GPLD1: variants seen among roughly 807,000 people sequenced by gnomAD.
GPLD1 encodes the protein glycosylphosphatidylinositol specific phospholipase D1, also known as phosphatidylinositol-glycan-specific phospholipase D.
A neutral mutation model predicts 112.6 loss-of-function variants in GPLD1; 84 were observed. That is an observed-to-expected ratio of 0.75 (90% CI 0.63 to 0.89). The LOEUF (loss-of-function observed/expected upper bound fraction) is 0.89, where lower values mean the gene tolerates loss of function less well. Ranked by LOEUF, GPLD1 falls within the 40% of genes least tolerant of loss-of-function variation. The pLI is 0.00. For synonymous variants in GPLD1, 386 were observed against 403.8 expected, an observed-to-expected ratio of 0.96 and a Z score of 0.53; for missense variants, 1,044 against 1,051.5, an observed-to-expected ratio of 0.99 and a Z score of 0.10.
chr6:24,434,027 G>A lies in GPLD1; in HGVS notation c.2359-638C>T, dbSNP rs1044257095. On this transcript the variant is annotated intron_variant, in intron 22 of 24. Coordinates refer to ENST00000230036, the MANE Select transcript of GPLD1 (RefSeq NM_001503.4). ...TTGTCTGTAGATAAAATACTCATCA[G>A]CCGGTAAATATCATATTATATAAGA... 3.9e-5 allele frequency among the ~76,000 whole-genome samples: 6 copies of A among 152,048 alleles called. No homozygotes were observed. In the East Asian group the frequency reaches 1.2e-3, roughly 29 times the overall value.
intron 24 of GPLD1, among the ~76,000 whole-genome samples, chr6:24,430,409 G>T (rs1459171845): frequency 6.6e-6 from 1 of 152,112 alleles, no homozygotes; most frequent in Non-Finnish European, 1.5e-5. Flanking sequence ...GGTCTTGTGG[G>T]CCTGCTGTAT....
rs1427422814 is a variant in GPLD1, at chr6:24,435,836, A to AAAAAAAAAAAAAAAAAAAAAAAAT, written c.2358+739_2358+740insATTTTTTTTTTTTTTTTTTTTTTT. The AAAAAAAAAAAAAAAAAAAAAAAAT allele has an allele frequency of 6.4e-4, 94 of 146,602 alleles. 4 individuals carry two copies. The highest frequency in any genetic ancestry group is 1.1e-3 in the Non-Finnish European group (73 of 65,646). 9.1% of individuals were successfully genotyped at this position (146,602 alleles called of 1,614,324 possible). On this transcript the variant is annotated intron_variant, in intron 22 of 24. Transcript: ENST00000230036. ...CCAGACGCTGTCTCAAAAAAAAAAA[A>AAAAAAAAAAAAAAAAAAAAAAAAT]AAAAAAAAAAAGTTAAATAATGGCC... is the stretch of plus-strand genomic sequence containing the variant.
intron 15 of GPLD1, among the ~76,000 whole-genome samples, 188 bp downstream of exon 15, chr6:24,449,600 AG>A (rs1319677964): frequency 5.9e-5 from 9 of 152,200 alleles, no homozygotes; most frequent in Admixed American, 5.9e-4. Context: ...AGGCAGCAGC[AG>A]GTGCTACAAG....
intron 12 of GPLD1, 63 bp downstream of exon 12, chr6:24,460,216 G>A (rs1763390007): frequency 6.3e-7 from 1 of 1,586,262 alleles, no homozygotes; most frequent in African/African-American, 1.3e-5. Context: ...CAGGGACTCA[G>A]CGAAACAAGG....
chr6:24,475,209 A>C lies in GPLD1; in HGVS notation c.353T>G (p.Phe118Cys). Reference sequence around the variant, plus strand: ...CATGTGAGAAGTAATTCCAAACAAGAAAGCTACCAGTTTCTCTGTGTCCTG... The same window carrying C: ...CATGTGAGAAGTAATTCCAAACAAGCAAGCTACCAGTTTCTCTGTGTCCTG... ...WEKDTEKLVA[F>C]LFGITSHMAA... Residue 118 changes from phenylalanine to cysteine, a missense_variant, in exon 5 of 25, where the codon TTC becomes TGC. Physicochemically the swap from Phe to Cys is radical, Grantham distance 205. Coordinates refer to ENST00000230036, the MANE Select transcript of GPLD1 (RefSeq NM_001503.4). The C allele has an allele frequency of 6.2e-7, 1 of 1,608,396 alleles. No homozygotes were observed. Among genetic ancestry groups the C allele is most frequent in the Non-Finnish European group, 8.5e-7 (1 of 1,174,806 alleles).
At chr6:24,430,495 T>TA (rs1212994241) in intron 24 of GPLD1, among the ~76,000 whole-genome samples, 1 of 152,210 alleles carries the variant, frequency 6.6e-6, no homozygotes, top group African/African-American at 2.4e-5. Flanking sequence ...AGGTGCTTGA[T>TA]ACAACACTGC....
At chr6:24,429,444 G>A (rs190700942) in intron 24 of GPLD1, among the ~76,000 whole-genome samples, 2 of 152,174 alleles carry the variant, frequency 1.3e-5, no homozygotes, top group African/African-American at 4.8e-5. Context: ...CCTAGAAGCT[G>A]GCTTTGTCAA....
intron 20 of GPLD1, among the ~76,000 whole-genome samples, chr6:24,443,760 T>TC (rs1327562977): frequency 6.6e-6 from 1 of 152,124 alleles, no homozygotes; most frequent in Non-Finnish European, 1.5e-5. Flanking sequence ...AACCTCTGCC[T>TC]CCAGGGTTCA....
chr6:24,450,791 G>A (rs570141515), intron 14 of GPLD1, among the ~76,000 whole-genome samples: 4 of 152,268 alleles, frequency 2.6e-5, no homozygotes, highest in African/African-American at 9.6e-5. Context: ...GGCCAACATG[G>A]CCAAACCTCA....
At chr6:24,462,492 G>A (rs1326296175) in intron 11 of GPLD1, among the ~76,000 whole-genome samples, 1 of 152,114 alleles carries the variant, frequency 6.6e-6, no homozygotes, top group Non-Finnish European at 1.5e-5. Flanking sequence ...ATCCACCACT[G>A]CATGTCATCC....
chr6:24,452,398 C>A (rs2127339865), intron 14 of GPLD1, among the ~76,000 whole-genome samples: 1 of 152,310 alleles, frequency 6.6e-6, no homozygotes, highest in Middle Eastern at 3.4e-3. Context: ...ACTGACCAGT[C>A]ACCTTATTTG....
At chr6:24,429,151 A>C in intron 24 of GPLD1, 33 bp from the exon 25 acceptor site, 10 of 1,357,276 alleles carry the variant, frequency 7.4e-6, no homozygotes, top group Non-Finnish European at 9.5e-6. Flanking sequence ...TTCATGGCTC[A>C]TTCATAACAT....
intron 22 of GPLD1, 181 bp from the exon 23 acceptor site, chr6:24,433,570 G>A: frequency 2.0e-6 from 1 of 503,082 alleles, no homozygotes. Flanking sequence ...TCAGCTCACT[G>A]CAACCTCTGC....
At chr6:24,489,608 C>A, upstream of GPLD1, 1 of 1,564,090 alleles carries the variant, frequency 6.4e-7, no homozygotes. Flanking sequence ...CACCGCTTCT[C>A]TCTAAGCAGG....
At chr6:24,480,414 C>T (rs774630626) in intron 2 of GPLD1, among the ~76,000 whole-genome samples, 9 of 152,086 alleles carry the variant, frequency 5.9e-5, no homozygotes, top group Non-Finnish European at 1.0e-4. Context: ...CTGCAACCTC[C>T]CAGGTTCAAG....
In GPLD1 at chr6:24,446,879, G is replaced by A; in HGVS notation, c.1779C>T (p.Thr593=). The change falls in exon 18 of 25, where the codon ACC becomes ACT. Residue 593 remains threonine, a synonymous_variant. Transcript: ENST00000230036. ...SLHGVTVDNR[T]LLLVGSPTWK... is the part of the protein sequence containing the mutation. ...AGGTCGGGCTCCCAACCAACAGCAA[G>A]GTTCTGTTGTCCACAGTGACACCGT... 6.2e-7 allele frequency: 1 copy of A among 1,613,986 alleles called. No homozygotes were observed. The highest frequency in any genetic ancestry group is 8.5e-7 in the Non-Finnish European group (1 of 1,179,934).
Position 24,476,196 on chromosome 6 carries a change from G to A in GPLD1, c.315C>T (p.Pro105=). 2 of 1,550,226 alleles carry A rather than the reference G, an allele frequency of 1.3e-6. No individual in the cohort carries two copies. The highest frequency in any genetic ancestry group is 1.4e-5 in the African/African-American group (1 of 73,830). The change falls in exon 4 of 25, where the codon CCC becomes CCT. Residue 105 remains proline, a synonymous_variant. Transcript: ENST00000230036. ...ASVHYIRENY[P]LPWEKDTEKL... ...CCACGCCTACCTTCTCCCAGGGAAG[G>A]GGATAGTTCTCTCGGATATAATGAA... is the stretch of plus-strand genomic sequence containing the variant.
rs74954302 is a variant in GPLD1 at position 24,427,229 on chromosome 6, G to A, written c.*1803C>T. Among the ~76,000 whole-genome samples the A allele has an allele frequency of 0.12, 18,617 of 152,106 alleles. 1,451 individuals are homozygous for A. Among genetic ancestry groups the A allele is most frequent in the East Asian group, 0.16 (807 of 5,154 alleles). ...CATTCCATTCCCTTAAGTGTGCCAC[G>A]CTGCAGGACTGACAAATGAAATCCA... On this transcript the variant is annotated 3_prime_UTR_variant, in exon 25 of 25. Transcript: ENST00000230036.
chr6:24,451,330 CTCTT>C (rs1763076947), intron 14 of GPLD1, among the ~76,000 whole-genome samples: 1 of 133,462 alleles, frequency 7.5e-6, no homozygotes, highest in Non-Finnish European at 1.8e-5. Context: ...CCAATTCTTT[CTCTT>C]TTTTTTGTTT....
Sources: gnomAD v4.1 joint callset for allele counts (sites outside exome capture counted in the v4.1 genomes callset) on GRCh38, gnomAD v4.1.1 for gene constraint, MANE v1.5 for transcripts, NCBI Gene and HGNC (gene_info 2026-07-23, HGNC 2026-07-21) for gene names.